TMTC2: variants seen among roughly 807,000 people sequenced by gnomAD.
TMTC2 encodes the protein protein O-mannosyl-transferase TMTC2.
A neutral mutation model predicts 82.4 loss-of-function variants in TMTC2; 43 were observed. That is an observed-to-expected ratio of 0.52 (90% CI 0.41 to 0.67). The LOEUF (loss-of-function observed/expected upper bound fraction) is 0.67, where lower values mean the gene tolerates loss of function less well. TMTC2 is among the 30% of genes least tolerant of loss of function. The pLI is 0.00. For missense variants in TMTC2, 919 were observed against 1,012.4 expected (o/e 0.91, Z 1.25); for synonymous variants, 408 against 381.9 (o/e 1.07, Z -0.80).
chr12:82,687,936 A>T (rs1034250823), intron 1 of TMTC2, among the ~76,000 whole-genome samples: 7 of 152,182 alleles, frequency 4.6e-5, no homozygotes, highest in Non-Finnish European at 1.0e-4. Flanking sequence ...TTCTTAGCGG[A>T]AATCCCGGCA....
intron 9 of TMTC2, among the ~76,000 whole-genome samples, chr12:83,032,864 A>G (rs1881498693): frequency 6.6e-6 from 1 of 152,108 alleles, no homozygotes; most frequent in Non-Finnish European, 1.5e-5. Context: ...CCCAGCCTAC[A>G]AACTTTTTAT....
intron 2 of TMTC2, among the ~76,000 whole-genome samples, chr12:82,891,666 A>C (rs1030534722): frequency 3.3e-5 from 5 of 152,128 alleles, no homozygotes; most frequent in African/African-American, 1.2e-4. Flanking sequence ...TGAAAATTGC[A>C]GTTTCATACT....
intron 1 of TMTC2, among the ~76,000 whole-genome samples, chr12:82,720,236 C>T (rs915315129): frequency 2.6e-5 from 4 of 152,200 alleles, no homozygotes; most frequent in African/African-American, 7.2e-5. Flanking sequence ...TTCATGTCCC[C>T]GACCCCAGCC....
At chr12:82,702,249 A>G (rs1424471648) in intron 1 of TMTC2, among the ~76,000 whole-genome samples, 1 of 152,218 alleles carries the variant, frequency 6.6e-6, no homozygotes, top group Non-Finnish European at 1.5e-5. Context: ...CACTATCATT[A>G]TTCATTTCTT....
chr12:82,984,739 A>G (rs1345047974), intron 7 of TMTC2, among the ~76,000 whole-genome samples: 1 of 152,180 alleles, frequency 6.6e-6, no homozygotes, highest in Non-Finnish European at 1.5e-5. Context: ...ATTATCTTAA[A>G]TACAATTGTT....
chr12:82,742,853 C>T (rs903605933), intron 1 of TMTC2, among the ~76,000 whole-genome samples: 3 of 152,082 alleles, frequency 2.0e-5, no homozygotes, highest in Non-Finnish European at 2.9e-5. Context: ...TTCCCTAGAT[C>T]GAGTCCATTT....
intron 11 of TMTC2, among the ~76,000 whole-genome samples, chr12:83,093,064 A>G (rs1883896372): frequency 6.6e-6 from 1 of 152,150 alleles, no homozygotes; most frequent in African/African-American, 2.4e-5. Flanking sequence ...TATGCAAATA[A>G]TTCTATGACC....
At chr12:82,715,318 A>G (rs1015258806) in intron 1 of TMTC2, among the ~76,000 whole-genome samples, 1 of 152,114 alleles carries the variant, frequency 6.6e-6, no homozygotes, top group African/African-American at 2.4e-5. Context: ...ATCTTTTAAC[A>G]TGCATAAGGG....
intron 1 of TMTC2, among the ~76,000 whole-genome samples, chr12:82,795,311 C>CAAA (rs35485888): frequency 5.3e-5 from 5 of 94,846 alleles, no homozygotes; most frequent in South Asian, 7.2e-4. Context: ...GATTCCATCT[C>CAAA]AAAAAAAAAA....
chr12:82,760,854 G>A (rs1876588552), intron 1 of TMTC2: 2 of 413,838 alleles, frequency 4.8e-6, no homozygotes, highest in Non-Finnish European at 9.8e-6. Flanking sequence ...ATCTGTCATT[G>A]TCTCCCCTCA....
At chr12:82,892,032 C>T (rs1028722496) in intron 2 of TMTC2, among the ~76,000 whole-genome samples, 4 of 152,124 alleles carry the variant, frequency 2.6e-5, no homozygotes, top group African/African-American at 4.8e-5. Flanking sequence ...TACCACTGCA[C>T]TCCAGCCTGG....
At chr12:83,027,621 T>G (rs191744558) in intron 8 of TMTC2, among the ~76,000 whole-genome samples, 304 of 152,316 alleles carry the variant, frequency 2.0e-3, no homozygotes, top group African/African-American at 7.0e-3. Flanking sequence ...CTGAGAACTG[T>G]CTTTTCCTCT....
intron 4 of TMTC2, among the ~76,000 whole-genome samples, chr12:82,953,649 C>T (rs1877465396): frequency 6.6e-6 from 1 of 152,040 alleles, no homozygotes; most frequent in Non-Finnish European, 1.5e-5. Context: ...TCACATTTAA[C>T]AATTAAGTTA....
At chr12:83,092,033 G>T (rs1269279599) in intron 11 of TMTC2, among the ~76,000 whole-genome samples, 1 of 152,176 alleles carries the variant, frequency 6.6e-6, no homozygotes, top group Non-Finnish European at 1.5e-5. Flanking sequence ...GAGAGAGTAA[G>T]TACCAATGTG....
intron 1 of TMTC2, among the ~76,000 whole-genome samples, chr12:82,723,968 C>G (rs1348399896): frequency 6.6e-6 from 1 of 152,104 alleles, no homozygotes; most frequent in African/African-American, 2.4e-5. Context: ...CCAGGGTGAC[C>G]CTGGATAAAC....
chr12:83,046,823 TACTAAAAGTGGGGTGACCATATTGGG>T (rs1882158776), intron 9 of TMTC2, among the ~76,000 whole-genome samples: 1 of 152,224 alleles, frequency 6.6e-6, no homozygotes, highest in Non-Finnish European at 1.5e-5. Context: ...CTGCCACATG[TACTAAAAGTGGGGTGACCATATTGGG>T]ACAATTCTGA....
chr12:82,755,793 C>A (rs1174257199), intron 1 of TMTC2, among the ~76,000 whole-genome samples: 1 of 152,024 alleles, frequency 6.6e-6, no homozygotes, highest in Non-Finnish European at 1.5e-5. Flanking sequence ...CTGCTTTCAC[C>A]CCAAGAGCTA....
At chr12:83,084,575 T>C (rs1883585199) in intron 11 of TMTC2, among the ~76,000 whole-genome samples, 1 of 152,212 alleles carries the variant, frequency 6.6e-6, no homozygotes, top group African/African-American at 2.4e-5. Flanking sequence ...TGAAAAATTT[T>C]AGGATACGAA....
At chr12:82,730,170 C>T (rs894811757) in intron 1 of TMTC2, among the ~76,000 whole-genome samples, 2 of 151,902 alleles carry the variant, frequency 1.3e-5, no homozygotes, top group Non-Finnish European at 2.9e-5. Flanking sequence ...TGGCACGTGC[C>T]TGGAGTCCCA....
Sources: allele counts gnomAD v4.1 joint callset (sites outside exome capture counted in the v4.1 genomes callset), GRCh38; gene constraint gnomAD v4.1.1; transcripts MANE v1.5; gene names NCBI Gene and HGNC (gene_info 2026-07-23, HGNC 2026-07-21).